Variants in THADA observed in about 807,000 individuals in gnomAD.
THADA encodes THADA armadillo repeat containing, also known as tRNA (32-2'-O)-methyltransferase regulator THADA.
Under a neutral mutation model 219.8 loss-of-function variants are expected in THADA, and 213 were observed. The observed-to-expected ratio is 0.97, with a 90% CI of 0.87 to 1.09. The LOEUF (loss-of-function observed/expected upper bound fraction) is 1.09, where lower values mean the gene tolerates loss of function less well. Among genes scored for constraint, THADA ranks in the 50% least tolerant of loss-of-function variants. The probability of loss-of-function intolerance (pLI) is 0.00; values close to 1 mark genes in which losing one functional copy is unlikely to be tolerated. For missense variants in THADA, 2,956 were observed against 2,311.3 expected (o/e 1.28, Z -5.72); for synonymous variants, 1,018 against 828.9 (o/e 1.23, Z -3.92).
chr2:43,570,341 T>G (rs759385254), intron 14 of THADA, 47 bp downstream of exon 14: 1 of 1,529,232 alleles, frequency 6.5e-7, no homozygotes, highest in Non-Finnish European at 8.8e-7. Flanking sequence ...TTCATAATAC[T>G]TTTTAATTTA....
intron 26 of THADA, among the ~76,000 whole-genome samples, chr2:43,435,484 AGGAGGGAGGGAG>A (rs910060725): frequency 1.8e-4 from 22 of 122,640 alleles, no homozygotes; most frequent in Non-Finnish European, 2.2e-4. Flanking sequence ...GAGGGAGGGA[AGGAGGGAGGGAG>A]GGAGGGCTGA....
chr2:43,292,218 A>G lies in THADA; in HGVS notation c.4823T>C (p.Leu1608Pro). Residue 1608 changes from leucine to proline, a missense_variant, in exon 33 of 38, where the codon CTG (leucine) becomes CCG (proline). Coordinates refer to ENST00000405975, the MANE Select transcript of THADA (RefSeq NM_022065.5). The stretch of plus-strand genomic sequence containing the variant: ...AGGGTCCATGCAGTGGAGAATTTTC[A>G]GTATCTGTGTAAGCCAAATCCGCAC... ...ENHPECFCKI[L>P]KILHCMDPGE... The G allele has an allele frequency of 1.9e-6, 3 of 1,600,110 alleles. No homozygotes were observed. The highest frequency in any genetic ancestry group is 1.7e-6 in the Non-Finnish European group (2 of 1,173,600).
chr2:43,404,372 T>G (rs949830054), intron 28 of THADA, among the ~76,000 whole-genome samples: 1 of 151,020 alleles, frequency 6.6e-6, no homozygotes, highest in Non-Finnish European at 1.5e-5. Context: ...TTCTTTTTCT[T>G]TTCTTTTTTT....
At chr2:43,507,598 C>T (rs929292594) in intron 23 of THADA, among the ~76,000 whole-genome samples, 1 of 151,760 alleles carries the variant, frequency 6.6e-6, no homozygotes, top group Non-Finnish European at 1.5e-5. Context: ...CCCACTGTCA[C>T]CAAAAAATCA....
rs569703804 is a variant in THADA, at chr2:43,506,590, T to C, written c.3508-855A>G. On this transcript the variant is annotated intron_variant, in intron 23 of 37. Transcript: ENST00000405975. ...GCTGAGTGGCAGGGGTAGAGAGAAA[T>C]GGGAAGTGACTGCTAATGAGTATGG... Among the ~76,000 whole-genome samples the C allele has an allele frequency of 1.4e-4, 21 of 152,224 alleles. 1 individual carries two copies. Among genetic ancestry groups the C allele is most frequent in the Middle Eastern group, 3.4e-3 (1 of 294 alleles).
intron 36 of THADA, among the ~76,000 whole-genome samples, chr2:43,267,916 T>A (rs999278382): frequency 1.3e-5 from 2 of 152,110 alleles, no homozygotes; most frequent in African/African-American, 4.8e-5. Flanking sequence ...AGAAAATACT[T>A]CAGAAAGTCC....
intron 21 of THADA, among the ~76,000 whole-genome samples, chr2:43,531,067 A>C (rs1367978778): frequency 6.6e-6 from 1 of 152,244 alleles, no homozygotes; most frequent in African/African-American, 2.4e-5. Flanking sequence ...TTCACAGCTT[A>C]ATGCTGTGGT....
At chr2:43,470,320 A>G (rs895802643) in intron 26 of THADA, among the ~76,000 whole-genome samples, 1 of 152,094 alleles carries the variant, frequency 6.6e-6, no homozygotes, top group Non-Finnish European at 1.5e-5. Flanking sequence ...AGGAGAATCT[A>G]TCTGTAGGAA....
intron 12 of THADA, among the ~76,000 whole-genome samples, 173 bp downstream of exon 12, chr2:43,572,641 G>A (rs780951182): frequency 6.6e-6 from 1 of 152,134 alleles, no homozygotes; most frequent in Non-Finnish European, 1.5e-5. Flanking sequence ...TAAACTTTCA[G>A]TAGCTTGAAG....
chr2:43,237,110 T>C (rs987301695), intron 36 of THADA, among the ~76,000 whole-genome samples: 6 of 146,430 alleles, frequency 4.1e-5, no homozygotes, highest in African/African-American at 1.5e-4. Context: ...AAAGACAGCG[T>C]GGTACTGGCA....
intron 29 of THADA, among the ~76,000 whole-genome samples, chr2:43,387,491 C>A (rs1041323522): frequency 1.9e-4 from 29 of 151,864 alleles, no homozygotes; most frequent in Admixed American, 1.8e-3. Flanking sequence ...CTATGCACAG[C>A]TCACTGTAGT....
chr2:43,388,874 C>A (rs1043532266), intron 29 of THADA, among the ~76,000 whole-genome samples: 1 of 151,710 alleles, frequency 6.6e-6, no homozygotes, highest in Admixed American at 6.6e-5. Context: ...ACACATTTTT[C>A]TTTAGCTCAA....
chr2:43,399,183 A>G lies in THADA; in HGVS notation c.4059-1044T>C, dbSNP rs1301927109. On this transcript the variant is annotated intron_variant, in intron 28 of 37. Coordinates refer to ENST00000405975, the MANE Select transcript of THADA (RefSeq NM_022065.5). ...TCTTTACTAGAACGCTCAAGACTTC[A>G]TGATTTTTCATCCAATTAAAAAGGT... Among the ~76,000 whole-genome samples the G allele has an allele frequency of 5.3e-5, 8 of 152,244 alleles. No homozygotes were observed. The East Asian group carries it at 1.5e-3, about 29-fold the overall frequency.
At chr2:43,246,680 A>G (rs1224466051) in intron 36 of THADA, among the ~76,000 whole-genome samples, 1 of 152,250 alleles carries the variant, frequency 6.6e-6, no homozygotes, top group Admixed American at 6.5e-5. Context: ...TAAGATTTAT[A>G]AACAGTGTTC....
At chr2:43,400,906 A>T (rs1007617582) in intron 28 of THADA, among the ~76,000 whole-genome samples, 1 of 152,170 alleles carries the variant, frequency 6.6e-6, no homozygotes, top group African/African-American at 2.4e-5. Flanking sequence ...ACATGTTGAT[A>T]ATATGAAGGC....
At chr2:43,444,165 T>C (rs1048913353) in intron 26 of THADA, among the ~76,000 whole-genome samples, 10 of 151,802 alleles carry the variant, frequency 6.6e-5, no homozygotes, top group African/African-American at 2.4e-4. Flanking sequence ...GCCACCAGTT[T>C]TATGTTTTGA....
intron 34 of THADA, 32 bp from the exon 35 acceptor site, chr2:43,287,093 C>A: frequency 1.3e-6 from 2 of 1,583,364 alleles, no homozygotes; most frequent in South Asian, 1.1e-5. Context: ...ATCAGTAGTT[C>A]AGAAGATGCA....
At chr2:43,304,361 T>G (rs1676601914) in intron 31 of THADA, among the ~76,000 whole-genome samples, 1 of 152,122 alleles carries the variant, frequency 6.6e-6, no homozygotes, top group African/African-American at 2.4e-5. Flanking sequence ...AGGATCCTCC[T>G]CAGGACTGAA....
Position 43,577,229 on chromosome 2 carries a change from A to C in THADA, c.830T>G (p.Leu277Arg), listed in dbSNP as rs561564298. The C allele has an allele frequency of 1.9e-6, 3 of 1,590,858 alleles. No individual in the cohort carries two copies. In the Admixed American group the frequency reaches 5.4e-5, roughly 28 times the overall value. ...EKIPHLISSVLLRSVDCTSVP... is the reference protein window; with the variant it reads ...EKIPHLISSVRLRSVDCTSVP... ...ACTGGTGCAGTCCACTGAACGAAGC[A>C]GCACACTGCTAATCTGGAAAAATAT... The change falls in exon 10 of 38, where the codon CTG (leucine) becomes CGG (arginine). Residue 277 changes from leucine to arginine, a missense_variant. Leu to Arg is a moderately radical substitution (Grantham distance 102, BLOSUM62 -2). Transcript: ENST00000405975.
Sources: gnomAD v4.1 joint callset for allele counts (sites outside exome capture counted in the v4.1 genomes callset) on GRCh38, gnomAD v4.1.1 for gene constraint, MANE v1.5 for transcripts, NCBI Gene and HGNC (gene_info 2026-07-23, HGNC 2026-07-21) for gene names.